CDKAL1: variants seen among roughly 807,000 people sequenced by gnomAD.
CDKAL1 encodes the protein CDKAL1 threonylcarbamoyladenosine tRNA methylthiotransferase.
Under a neutral mutation model 68.2 loss-of-function variants are expected in CDKAL1, and 32 were observed. That is an observed-to-expected ratio of 0.47 (90% CI 0.35 to 0.63). CDKAL1 has a LOEUF of 0.63. Ranked by LOEUF, CDKAL1 falls within the 30% of genes least tolerant of loss-of-function variation. The pLI, the probability that CDKAL1 is intolerant of heterozygous loss-of-function variation, is 0.00. For synonymous variants in CDKAL1, 234 were observed against 244.3 expected, an observed-to-expected ratio of 0.96 and a Z score of 0.39; for missense variants, 606 against 696.7, an observed-to-expected ratio of 0.87 and a Z score of 1.47.
At chr6:20,815,998 A>T (rs1029816635) in intron 8 of CDKAL1, among the ~76,000 whole-genome samples, 1 of 152,150 alleles carries the variant, frequency 6.6e-6, no homozygotes, top group African/African-American at 2.4e-5. Context: ...TATAGGAGAG[A>T]ATCCTTTCTT....
chr6:21,053,161 A>G (rs1561992050), intron 11 of CDKAL1, among the ~76,000 whole-genome samples: 1 of 152,206 alleles, frequency 6.6e-6, no homozygotes, highest in Non-Finnish European at 1.5e-5. Flanking sequence ...AGTTCCAGAC[A>G]AGACTGATTT....
At chr6:20,586,355 G>A (rs1238681496) in intron 4 of CDKAL1, among the ~76,000 whole-genome samples, 1 of 152,082 alleles carries the variant, frequency 6.6e-6, no homozygotes, top group Non-Finnish European at 1.5e-5. Flanking sequence ...GAAGTGCTCG[G>A]CCAGGCACAG....
At chr6:20,761,275 C>A (rs1011641385) in intron 7 of CDKAL1, among the ~76,000 whole-genome samples, 4 of 152,184 alleles carry the variant, frequency 2.6e-5, no homozygotes, top group African/African-American at 9.7e-5. Context: ...ATTGACAACA[C>A]CAAATTCTGG....
intron 11 of CDKAL1, among the ~76,000 whole-genome samples, chr6:21,009,574 A>G (rs890270831): frequency 6.6e-6 from 1 of 152,230 alleles, no homozygotes; most frequent in Non-Finnish European, 1.5e-5. Flanking sequence ...CAGATAAACT[A>G]TGCCCAATAG....
At chr6:21,133,550 C>T (rs1376890429) in intron 13 of CDKAL1, among the ~76,000 whole-genome samples, 1 of 152,182 alleles carries the variant, frequency 6.6e-6, no homozygotes, top group Admixed American at 6.5e-5. Flanking sequence ...GTGGATAGCA[C>T]GCAGTGGTCT....
chr6:21,114,247 C>CAA (rs55859447), intron 13 of CDKAL1, among the ~76,000 whole-genome samples: 55 of 101,642 alleles, frequency 5.4e-4, no homozygotes, highest in Non-Finnish European at 8.0e-4. Context: ...GACTCTGTCT[C>CAA]AAAAAAAAAA....
chr6:21,156,952 A>G lies in CDKAL1; in HGVS notation c.1300-41069A>G, dbSNP rs1164197888. On this transcript the variant is annotated intron_variant, in intron 13 of 15. Transcript: ENST00000274695. The stretch of plus-strand genomic sequence containing the variant: ...TGCTCTCTGCCTAGGCTGGTTTTTC[A>G]GCATATGATTTAAGCATATTTTCCT... Among the ~76,000 whole-genome samples, 6 of 152,192 alleles carry G rather than the reference A, an allele frequency of 3.9e-5. No individual in the cohort carries two copies. The South Asian group carries it at 1.0e-3, about 26-fold the overall frequency.
intron 12 of CDKAL1, among the ~76,000 whole-genome samples, chr6:21,078,337 T>G (rs1331716396): frequency 6.6e-6 from 1 of 152,206 alleles, no homozygotes; most frequent in Non-Finnish European, 1.5e-5. Flanking sequence ...CTGTGAACAG[T>G]TAGCTAGATA....
At chr6:21,130,991 G>A (rs1337184377) in intron 13 of CDKAL1, among the ~76,000 whole-genome samples, 1 of 152,188 alleles carries the variant, frequency 6.6e-6, no homozygotes, top group African/African-American at 2.4e-5. Context: ...CTCCCAGGAT[G>A]GGATTAAAAG....
intron 5 of CDKAL1, among the ~76,000 whole-genome samples, chr6:20,658,730 T>C (rs1769144648): frequency 6.6e-6 from 1 of 152,218 alleles, no homozygotes; most frequent in African/African-American, 2.4e-5. Context: ...TTATCCAGTT[T>C]AAAAGAATTA....
chr6:20,775,350 T>C (rs1367093011), intron 7 of CDKAL1, among the ~76,000 whole-genome samples: 1 of 152,222 alleles, frequency 6.6e-6, no homozygotes, highest in Non-Finnish European at 1.5e-5. Context: ...CTCTTTCCCT[T>C]CACTCAAGCC....
chr6:20,896,843 T>C (rs1314785179), intron 9 of CDKAL1, among the ~76,000 whole-genome samples: 2 of 152,146 alleles, frequency 1.3e-5, no homozygotes, highest in African/African-American at 4.8e-5. Flanking sequence ...AAATCTGTCT[T>C]CTCAAAGAGA....
chr6:21,193,849 T>A (rs1269840486), intron 13 of CDKAL1, among the ~76,000 whole-genome samples: 1 of 152,252 alleles, frequency 6.6e-6, no homozygotes, highest in Non-Finnish European at 1.5e-5. Flanking sequence ...ACATTTCTGC[T>A]GAACAATTAC....
chr6:20,831,406 G>A (rs993139230), intron 8 of CDKAL1, among the ~76,000 whole-genome samples: 1 of 99,796 alleles, frequency 1.0e-5, no homozygotes, highest in African/African-American at 3.9e-5. Flanking sequence ...GTTGTGCGAT[G>A]TGCGGACGAG....
intron 10 of CDKAL1, among the ~76,000 whole-genome samples, chr6:20,970,616 T>C (rs1765545098): frequency 6.6e-6 from 1 of 152,222 alleles, no homozygotes; most frequent in African/African-American, 2.4e-5. Context: ...CAATCACTTA[T>C]GGTGCTGTCT....
intron 5 of CDKAL1, among the ~76,000 whole-genome samples, 156 bp downstream of exon 5, chr6:20,649,533 A>G (rs186900951): frequency 6.6e-6 from 1 of 152,308 alleles, no homozygotes; most frequent in East Asian, 1.9e-4. Context: ...TTTGTCTGAT[A>G]CAGAATGATG....
At chr6:20,849,978 A>T (rs1198963998) in intron 9 of CDKAL1, among the ~76,000 whole-genome samples, 1 of 152,208 alleles carries the variant, frequency 6.6e-6, no homozygotes, top group South Asian at 2.1e-4. Context: ...TGAGCTTTAA[A>T]ATTGCAAATA....
chr6:20,844,510 A>C lies in CDKAL1; in HGVS notation c.639-1565A>C, dbSNP rs17234378. On this transcript the variant is annotated intron_variant, in intron 8 of 15. Coordinates refer to ENST00000274695, the MANE Select transcript of CDKAL1 (RefSeq NM_017774.3). Reference sequence around the variant, plus strand: ...GAGGTGGATTCTTGTCTGTAAGATCAAGATAGGGAAACCCAACTCTGAAAG... The same window carrying C: ...GAGGTGGATTCTTGTCTGTAAGATCCAGATAGGGAAACCCAACTCTGAAAG... Among the ~76,000 whole-genome samples the C allele has an allele frequency of 7.9e-3, 1,196 of 151,988 alleles. 12 individuals carry two copies. Among genetic ancestry groups the C allele is most frequent in the African/African-American group, 0.027 (1,131 of 41,470 alleles).
At position 20,899,148 on chromosome 6, in the gene CDKAL1, T is replaced by TCTGC. The variant is rs572927266; in HGVS notation, c.742+52973_742+52976dup. ...GGCACAATCTCTGCTCACTGCAAGCTCTGCCTTCTGGGTTCAAGTGAGTCT... is the reference window on the plus strand; with the variant it reads ...GGCACAATCTCTGCTCACTGCAAGCTCTGCCTGCCTTCTGGGTTCAAGTGAGTCT... On this transcript the variant is annotated intron_variant, in intron 9 of 15. Coordinates refer to ENST00000274695, the MANE Select transcript of CDKAL1 (RefSeq NM_017774.3). Among the ~76,000 whole-genome samples the TCTGC allele has an allele frequency of 9.3e-5, 14 of 149,784 alleles. No homozygotes were observed. The South Asian group carries it at 3.0e-3, about 32-fold the overall frequency.
Sources: gnomAD v4.1 joint callset for allele counts (sites outside exome capture counted in the v4.1 genomes callset) on GRCh38, gnomAD v4.1.1 for gene constraint, MANE v1.5 for transcripts, NCBI Gene and HGNC (gene_info 2026-07-23, HGNC 2026-07-21) for gene names.